SPATA21: variants seen among roughly 807,000 people sequenced by gnomAD.
SPATA21 encodes spermatogenesis associated 21.
SPATA21 carries 47 observed loss-of-function variants against 54.8 expected under a neutral mutation model. The observed-to-expected ratio is 0.86, with a 90% CI of 0.68 to 1.09. The LOEUF (loss-of-function observed/expected upper bound fraction) is 1.09. Ranked by LOEUF, SPATA21 falls within the 50% of genes least tolerant of loss-of-function variation. SPATA21 has a pLI of 0.00. For missense variants in SPATA21, 599 were observed against 596.4 expected (o/e 1.00, Z -0.05); for synonymous variants, 245 against 235.3 (o/e 1.04, Z -0.38).
chr1:16,429,209 C>T (rs2086395654), intron 3 of SPATA21, among the ~76,000 whole-genome samples: 1 of 150,860 alleles, frequency 6.6e-6, no homozygotes, highest in Non-Finnish European at 1.5e-5. Context: ...CGCTATATTG[C>T]CCAGGCAGGC....
In SPATA21 at chr1:16,421,785, G is replaced by A. The variant is rs558647597; in HGVS notation, c.95+126C>T. The A allele has an allele frequency of 8.6e-5, 122 of 1,419,690 alleles. No individual in the cohort carries two copies. The African/African-American group carries it at 1.4e-3, about 16-fold the overall frequency. The allele number at this position is 1,419,690 out of a possible 1,614,324, so 87.9% of individuals were successfully genotyped here. On this transcript the variant is annotated intron_variant, in intron 4 of 12. Coordinates refer to ENST00000335496, the MANE Select transcript of SPATA21 (RefSeq NM_198546.1). This position sits in a 1 kb window ranked among gnomAD's most constrained non-coding sequence, Gnocchi z 5.2. ...ACAGATGGGGAAATTGAGACCCAGC[G>A]GAGCATGACTTGCCCAAGGTCCTCT...
chr1:16,430,398 A>T (rs989951104), intron 3 of SPATA21, among the ~76,000 whole-genome samples: 1 of 152,168 alleles, frequency 6.6e-6, no homozygotes, highest in African/African-American at 2.4e-5. Flanking sequence ...GCACCACTGC[A>T]CTCCAGTCTG....
At position 16,421,915 on chromosome 1, in the gene SPATA21, C is replaced by T. The variant is rs762700436; in HGVS notation, c.91G>A (p.Gly31Arg). 2 of 1,614,188 alleles carry T rather than the reference C, an allele frequency of 1.2e-6. No homozygotes were observed. The highest frequency in any genetic ancestry group is 3.3e-5 in the Admixed American group (2 of 60,024). ...TGGCACTGGATGATGACTTACCCTCCTTTTGCTTTTTTAGGTCCAGGCGTG... is the reference window on the plus strand; with the variant it reads ...TGGCACTGGATGATGACTTACCCTCTTTTTGCTTTTTTAGGTCCAGGCGTG... ...PSTPGPKKAK[G>R]GGEAVETHPA... is the part of the protein sequence containing the mutation. The change falls in exon 4 of 13, where the codon GGA becomes AGA. Residue 31 changes from glycine (G) to arginine (R), a missense_variant. Transcript: ENST00000335496. This position sits in a 1 kb window ranked among gnomAD's most constrained non-coding sequence, Gnocchi z 5.2.
intron 8 of SPATA21, 36 bp downstream of exon 8, chr1:16,404,931 T>C (rs370886212): frequency 5.9e-5 from 90 of 1,525,744 alleles, no homozygotes; most frequent in Non-Finnish European, 7.7e-5. Flanking sequence ...AAGCAGGCCC[T>C]GCCTGGGATG....
chr1:16,426,921 G>C (rs1003743284), intron 3 of SPATA21, among the ~76,000 whole-genome samples: 2 of 151,846 alleles, frequency 1.3e-5, no homozygotes, highest in African/African-American at 4.8e-5. Context: ...TGTGTTTTTC[G>C]CATGCTAAAA....
At chr1:16,411,806 A>G (rs113192696) in intron 5 of SPATA21, among the ~76,000 whole-genome samples, 2 of 128,344 alleles carry the variant, frequency 1.6e-5, no homozygotes, top group Non-Finnish European at 3.4e-5. Context: ...AAAAAAAAAA[A>G]AACAAAACAA....
chr1:16,412,639 T>G (rs1191211950), intron 5 of SPATA21, among the ~76,000 whole-genome samples: 1 of 151,956 alleles, frequency 6.6e-6, no homozygotes, highest in Non-Finnish European at 1.5e-5. Flanking sequence ...ATTTTTGTAT[T>G]TTTAGTAGAG....
At position 16,403,968 on chromosome 1, in the gene SPATA21, C is replaced by A. The variant is rs762416864; in HGVS notation, c.883G>T (p.Glu295Ter). The A allele has an allele frequency of 1.9e-6, 3 of 1,591,844 alleles. No individual in the cohort carries two copies. Among genetic ancestry groups the A allele is most frequent in the Admixed American group, 3.6e-5 (2 of 55,140 alleles). ...CTACGCTGGGCTCATCCCTGCTCAC[C>A]CACAGAGCAGAAGAAGCGCCTGGTG... ...TDTRRFFCSVEQNALSDMAPH... is the reference protein window; with the variant it reads ...TDTRRFFCSV The change falls in exon 9 of 13, where the codon GAA becomes TAA. Residue 295 changes from glutamate to a stop codon, truncating the protein, a stop_gained and splice_region_variant. Transcript: ENST00000335496. LOFTEE classifies it high-confidence loss of function.
chr1:16,433,668 C>A (rs1001078230), intron 1 of SPATA21, among the ~76,000 whole-genome samples: 3 of 152,344 alleles, frequency 2.0e-5, no homozygotes, highest in African/African-American at 7.2e-5. Context: ...CCCAGAGGGG[C>A]TCCAGCCCCT....
At chr1:16,423,679 G>T (rs1257055365) in intron 3 of SPATA21, among the ~76,000 whole-genome samples, 1 of 151,320 alleles carries the variant, frequency 6.6e-6, no homozygotes, top group Non-Finnish European at 1.5e-5. Flanking sequence ...GAGTAGCTGG[G>T]ACTACAGGCA....
intron 3 of SPATA21, among the ~76,000 whole-genome samples, chr1:16,425,915 C>T (rs1007186238): frequency 2.0e-5 from 3 of 152,002 alleles, no homozygotes; most frequent in African/African-American, 7.2e-5. Flanking sequence ...AAAATTTAAA[C>T]TTTCACAATT....
At chr1:16,418,235 C>G (rs1323185586) in intron 5 of SPATA21, among the ~76,000 whole-genome samples, 1 of 152,200 alleles carries the variant, frequency 6.6e-6, no homozygotes, top group Non-Finnish European at 1.5e-5. Flanking sequence ...CAGAAACACA[C>G]AGGCAAGGAA....
rs1490826261 is a variant in SPATA21, at chr1:16,405,003, G to A, written c.775C>T (p.Gln259Ter). ...GCACTCATCAGGGCGTCCTCCACCTGGGCCAGCGTCACAGAGAAGCCCATT... is the reference window on the plus strand; with the variant it reads ...GCACTCATCAGGGCGTCCTCCACCTAGGCCAGCGTCACAGAGAAGCCCATT... The part of the protein sequence containing the change: ...LLMGFSVTLA[Q>*]VEDALMSADV... Residue 259 changes from glutamine (Q) to a stop codon, truncating the protein, a stop_gained, in exon 8 of 13, where the codon CAG becomes TAG. Coordinates refer to ENST00000335496, the MANE Select transcript of SPATA21 (RefSeq NM_198546.1). LOFTEE classifies it high-confidence loss of function. 6.2e-7 allele frequency: 1 copy of A among 1,607,508 alleles called. No homozygotes were observed.
intron 11 of SPATA21, chr1:16,400,475 G>A: frequency 8.0e-7 from 1 of 1,257,422 alleles, no homozygotes; most frequent in Non-Finnish European, 1.0e-6. Context: ...TGGCTCATGG[G>A]ACCAACCTGT....
At chr1:16,401,969 C>T (rs1198074258) in intron 10 of SPATA21, among the ~76,000 whole-genome samples, 1 of 152,198 alleles carries the variant, frequency 6.6e-6, no homozygotes, top group East Asian at 1.9e-4. Context: ...TGTATCATAG[C>T]CTCAGCCGCA....
Position 16,409,548 on chromosome 1 carries a change from C to T in SPATA21, c.587+53G>A. 2.6e-6 allele frequency: 4 copies of T among 1,557,210 alleles called. No individual in the cohort carries two copies. Among genetic ancestry groups the T allele is most frequent in the Non-Finnish European group, 3.5e-6 (4 of 1,151,936 alleles). ...ACAGGGACCTGCATCCGGGACAAGGCTCTGATCTTGGGGCCTTTCAGGAGC... is the reference window on the plus strand; with the variant it reads ...ACAGGGACCTGCATCCGGGACAAGGTTCTGATCTTGGGGCCTTTCAGGAGC... On this transcript the variant is annotated intron_variant, in intron 6 of 12. Coordinates refer to ENST00000335496, the MANE Select transcript of SPATA21 (RefSeq NM_198546.1). This position sits in a 1 kb window ranked among gnomAD's most constrained non-coding sequence, Gnocchi z 4.1.
chr1:16,402,535 A>G (rs2100782260), intron 10 of SPATA21, among the ~76,000 whole-genome samples: 1 of 146,284 alleles, frequency 6.8e-6, no homozygotes, highest in African/African-American at 2.5e-5. Context: ...TGCTGGGATT[A>G]CAGGCATGAG....
chr1:16,408,645 G>A, intron 7 of SPATA21: 2 of 429,668 alleles, frequency 4.7e-6, no homozygotes, highest in Non-Finnish European at 6.2e-6. Context: ...GCTGAGGTGG[G>A]TGGATCACTT....
chr1:16,421,954 G>A lies in SPATA21; in HGVS notation c.52C>T (p.Pro18Ser). The change falls in exon 4 of 13, where the codon CCC (proline) becomes TCC (serine). Residue 18 changes from proline (P) to serine (S), a missense_variant. By Grantham distance (74) the Pro-to-Ser change is moderately conservative. Coordinates refer to ENST00000335496, the MANE Select transcript of SPATA21 (RefSeq NM_198546.1). This position sits in a 1 kb window ranked among gnomAD's most constrained non-coding sequence, Gnocchi z 5.2. ...MYTEEEKTVN[P>S]FLPSTPGPKK... ...GGTCCAGGCGTGGATGGCAGGAAGG[G>A]GTTGACTGTCTTTTCCTCTGGAGCC... 1 of 1,614,204 alleles carries A rather than the reference G, an allele frequency of 6.2e-7. No individual in the cohort carries two copies.
Sources: allele counts gnomAD v4.1 joint callset (sites outside exome capture counted in the v4.1 genomes callset), GRCh38; gene constraint gnomAD v4.1.1; non-coding constraint Gnocchi (gnomAD v3.1); transcripts MANE v1.5; gene names NCBI Gene and HGNC (gene_info 2026-07-23, HGNC 2026-07-21).